IL1RAPL2: variants seen among roughly 807,000 people sequenced by gnomAD.
The protein encoded by IL1RAPL2 is X-linked interleukin-1 receptor accessory protein-like 2.
A neutral mutation model predicts 44.1 loss-of-function variants in IL1RAPL2; 3 were observed. The observed-to-expected ratio is 0.07, with a 90% CI of 0.03 to 0.18. The LOEUF (loss-of-function observed/expected upper bound fraction) is 0.18, where lower values mean the gene tolerates loss of function less well. Ranked by LOEUF, IL1RAPL2 falls within the 10% of genes least tolerant of loss-of-function variation. The pLI is 1.00. For synonymous variants in IL1RAPL2, 181 were observed against 178.8 expected (o/e 1.01, Z -0.10); for missense variants, 391 against 496.4 (o/e 0.79, Z 2.02).
chrX:105,203,562 C>G (rs1385031587), intron 3 of IL1RAPL2, among the ~76,000 whole-genome samples: 3 of 111,864 alleles, frequency 2.7e-5, no homozygotes, highest in Non-Finnish European at 5.6e-5. Context: ...GAGTTCCTCT[C>G]CACTTATTCT....
intron 2 of IL1RAPL2, among the ~76,000 whole-genome samples, chrX:104,838,131 C>A (rs765299039): frequency 9.0e-6 from 1 of 111,663 alleles, no homozygotes; most frequent in Non-Finnish European, 1.9e-5. Context: ...TTACTGTAGC[C>A]TTGTAGTATA....
intron 5 of IL1RAPL2, among the ~76,000 whole-genome samples, chrX:105,301,263 A>T (rs934707865): frequency 3.6e-5 from 4 of 111,085 alleles, no homozygotes; most frequent in African/African-American, 6.6e-5. Flanking sequence ...ATTATTTTTA[A>T]TTTTTATTTT....
At chrX:105,237,808 T>C (rs1296087008) in intron 4 of IL1RAPL2, among the ~76,000 whole-genome samples, 2 of 111,602 alleles carry the variant, frequency 1.8e-5, no homozygotes, top group Non-Finnish European at 3.8e-5. Flanking sequence ...ACTCTGATGG[T>C]GGTTTCTTTT....
intron 6 of IL1RAPL2, among the ~76,000 whole-genome samples, chrX:105,586,689 T>C (rs2037131073): frequency 8.9e-6 from 1 of 111,984 alleles, no homozygotes; most frequent in South Asian, 3.7e-4. Context: ...GCAAAGACTT[T>C]TCTGCCTGCT....
chrX:105,363,540 G>A (rs1324410647), intron 5 of IL1RAPL2, among the ~76,000 whole-genome samples: 2 of 107,375 alleles, frequency 1.9e-5, no homozygotes, highest in East Asian at 2.9e-4. Context: ...CAAAATGGCT[G>A]TAATAATTTA....
At chrX:104,798,674 AT>A (rs1489489298) in intron 2 of IL1RAPL2, among the ~76,000 whole-genome samples, 1 of 110,636 alleles carries the variant, frequency 9.0e-6, no homozygotes, top group Admixed American at 9.6e-5. Flanking sequence ...TCAAAAAAAA[AT>A]TTACAAGCTC....
At chrX:104,986,485 A>G (rs1156516449) in intron 2 of IL1RAPL2, among the ~76,000 whole-genome samples, 2 of 112,465 alleles carry the variant, frequency 1.8e-5, no homozygotes, top group Non-Finnish European at 3.8e-5. Flanking sequence ...TGTCTGCTAG[A>G]AATAGCCTCA....
chrX:105,158,438 C>T (rs1351461988), intron 2 of IL1RAPL2, among the ~76,000 whole-genome samples: 5 of 112,281 alleles, frequency 4.5e-5, no homozygotes, highest in Non-Finnish European at 9.4e-5. Context: ...ACTTTTGATT[C>T]TTACCTTTCC....
chrX:104,949,044 G>A (rs945681128), intron 2 of IL1RAPL2, among the ~76,000 whole-genome samples: 11 of 110,242 alleles, frequency 1.0e-4, no homozygotes, highest in East Asian at 2.9e-4. Context: ...AATCCATCTC[G>A]TCCTGGACTC....
chrX:104,664,211 G>A (rs1018925086), intron 2 of IL1RAPL2, among the ~76,000 whole-genome samples: 1 of 111,083 alleles, frequency 9.0e-6, no homozygotes, highest in African/African-American at 3.3e-5. Context: ...CTCTGTAGTG[G>A]TCGTTCCGCA....
chrX:105,731,251 A>G (rs1330999123), intron 7 of IL1RAPL2, among the ~76,000 whole-genome samples: 1 of 111,170 alleles, frequency 9.0e-6, no homozygotes, highest in Non-Finnish European at 1.9e-5. Flanking sequence ...ACAACTATGT[A>G]CTAATGAACC....
intron 2 of IL1RAPL2, among the ~76,000 whole-genome samples, chrX:105,069,213 G>A (rs1255697889): frequency 8.9e-6 from 1 of 112,840 alleles, no homozygotes; most frequent in Non-Finnish European, 1.9e-5. Flanking sequence ...GTGGGCAGTG[G>A]CAAATCAGAG....
At chrX:104,671,932 C>T (rs190800446) in intron 2 of IL1RAPL2, among the ~76,000 whole-genome samples, 1 of 111,223 alleles carries the variant, frequency 9.0e-6, no homozygotes, top group African/African-American at 3.3e-5. Flanking sequence ...CTATCCTCAT[C>T]TGCAGAGCCC....
At chrX:105,363,308 A>AATATATATATAT (rs1219827978) in intron 5 of IL1RAPL2, among the ~76,000 whole-genome samples, 2 of 68,554 alleles carry the variant, frequency 2.9e-5, no homozygotes, top group African/African-American at 2.6e-4. Flanking sequence ...ATATATATAT[A>AATATATATATAT]ATATATATAT....
intron 4 of IL1RAPL2, among the ~76,000 whole-genome samples, chrX:105,240,742 TATACTC>T (rs1317323873): frequency 2.7e-5 from 3 of 112,394 alleles, no homozygotes; most frequent in African/African-American, 9.7e-5. Context: ...ATTGATATCA[TATACTC>T]AGACAGTAGA....
chrX:105,375,147 C>T (rs1030055388), intron 5 of IL1RAPL2, among the ~76,000 whole-genome samples: 1 of 109,905 alleles, frequency 9.1e-6, no homozygotes, highest in African/African-American at 3.3e-5. Context: ...TTGCTCTGCC[C>T]TATAAAAGTA....
intron 2 of IL1RAPL2, among the ~76,000 whole-genome samples, chrX:104,824,130 A>G (rs1921386479): frequency 8.9e-6 from 1 of 112,244 alleles, no homozygotes; most frequent in Non-Finnish European, 1.9e-5. Flanking sequence ...CCTTTTCTGC[A>G]TCAATTGAGA....
At chrX:104,973,468 G>C (rs189868284) in intron 2 of IL1RAPL2, among the ~76,000 whole-genome samples, 27 of 111,350 alleles carry the variant, frequency 2.4e-4, no homozygotes, top group African/African-American at 8.8e-4. Flanking sequence ...TTTAGCATCT[G>C]GCCACAATAA....
chrX:104,690,275 C>T (rs952038632), intron 2 of IL1RAPL2, among the ~76,000 whole-genome samples: 6 of 112,517 alleles, frequency 5.3e-5, no homozygotes, highest in African/African-American at 9.7e-5. Context: ...TCCTTTTCTT[C>T]CTTGTGAAAT....
Sources: allele counts gnomAD v4.1 joint callset (sites outside exome capture counted in the v4.1 genomes callset), GRCh38; gene constraint gnomAD v4.1.1; transcripts MANE v1.5; gene names NCBI Gene and HGNC (gene_info 2026-07-23, HGNC 2026-07-21).